Variants in ERI1 observed in about 807,000 individuals in gnomAD.
The protein encoded by ERI1 is 3'-5' exoribonuclease 1.
In ERI1, 39 loss-of-function variants were observed where a neutral mutation model predicts 39.7. That is an observed-to-expected ratio of 0.98 (90% CI 0.76 to 1.28). ERI1 has a LOEUF of 1.28. Among genes scored for constraint, ERI1 ranks in the 50% most tolerant of loss-of-function variants. The pLI, the probability that ERI1 is intolerant of heterozygous loss-of-function variation, is 0.00. For missense variants in ERI1, 581 were observed against 416.9 expected (o/e 1.39, Z -3.43); for synonymous variants, 204 against 149.6 (o/e 1.36, Z -2.65).
chr8:9,027,501 T>C (rs1797262773), intron 6 of ERI1, among the ~76,000 whole-genome samples: 1 of 152,218 alleles, frequency 6.6e-6, no homozygotes, highest in South Asian at 2.1e-4. Flanking sequence ...AAGTCTACTT[T>C]ATTTTTTCTT....
At chr8:9,035,541 G>C (rs1004781664), downstream of ERI1, among the ~76,000 whole-genome samples, 2 of 152,044 alleles carry the variant, frequency 1.3e-5, no homozygotes, top group East Asian at 1.9e-4. Context: ...GAAGCCTGCT[G>C]TTGAGACTTA....
Position 9,018,375 on chromosome 8 carries a change from A to G in ERI1, c.661A>G (p.Thr221Ala), listed in dbSNP as rs149850300. ...CTGGATGAAATTGAAGGAATTAGGA[A>G]CAAAGTATAAATACTCACTTTTAAC... is the stretch of plus-strand genomic sequence containing the variant. ...IDWMKLKELG[T>A]KYKYSLLTDG... is the part of the protein sequence containing the mutation. Residue 221 changes from threonine (T) to alanine (A), a missense_variant, in exon 5 of 7, where the codon ACA (threonine) becomes GCA (alanine). Physicochemically the swap from Thr to Ala is moderately conservative, Grantham distance 58 (BLOSUM62 0). Coordinates refer to ENST00000250263, the MANE Select transcript of ERI1 (RefSeq NM_153332.4). 6.6e-4 allele frequency: 1,065 copies of G among 1,605,400 alleles called. No individual in the cohort carries two copies. Among genetic ancestry groups the G allele is most frequent in the Non-Finnish European group, 8.5e-4 (1,001 of 1,172,284 alleles).
At chr8:9,076,094 G>A (rs1799202996) in intron 3 of ERI1, among the ~76,000 whole-genome samples, 1 of 152,024 alleles carries the variant, frequency 6.6e-6, no homozygotes, top group Admixed American at 6.6e-5. Flanking sequence ...ATTCCTCCAT[G>A]CCCAGCTAAT....
intron 6 of ERI1, among the ~76,000 whole-genome samples, chr8:9,027,787 C>G (rs1043877638): frequency 6.6e-6 from 1 of 152,182 alleles, no homozygotes; most frequent in Non-Finnish European, 1.5e-5. Context: ...TTTCTAGACT[C>G]TCTTCGGTTT....
At chr8:9,094,427 A>C (rs978928313) in intron 3 of ERI1, among the ~76,000 whole-genome samples, 10 of 152,138 alleles carry the variant, frequency 6.6e-5, no homozygotes, top group African/African-American at 2.4e-4. Flanking sequence ...GCTGAGTCTC[A>C]AACTTTTCAA....
chr8:9,097,551 C>A (rs555257784), intron 3 of ERI1, among the ~76,000 whole-genome samples: 1 of 151,956 alleles, frequency 6.6e-6, no homozygotes, highest in Non-Finnish European at 1.5e-5. Context: ...CGCCTGTAGT[C>A]CCAGCTACGC....
intron 1 of ERI1, among the ~76,000 whole-genome samples, chr8:9,005,579 G>T (rs1481455738): frequency 1.3e-5 from 2 of 148,606 alleles, no homozygotes; most frequent in African/African-American, 5.0e-5. Context: ...CAGCGGCTCA[G>T]TCTCGGCTCG....
chr8:9,018,571 G>A (rs762539039), intron 5 of ERI1, among the ~76,000 whole-genome samples, 165 bp downstream of exon 5: 4 of 152,184 alleles, frequency 2.6e-5, no homozygotes, highest in Non-Finnish European at 5.9e-5. Flanking sequence ...AAGAGAGGAA[G>A]AAAACAGTGG....
At chr8:9,068,839 C>T (rs890690392) in intron 3 of ERI1, among the ~76,000 whole-genome samples, 1 of 152,052 alleles carries the variant, frequency 6.6e-6, no homozygotes, top group Non-Finnish European at 1.5e-5. Context: ...GTTTTTGAGA[C>T]AGGGTCTCTT....
intron 6 of ERI1, among the ~76,000 whole-genome samples, chr8:9,026,145 C>G (rs1444898798): frequency 6.6e-6 from 1 of 152,172 alleles, no homozygotes; most frequent in Non-Finnish European, 1.5e-5. Flanking sequence ...GTGTAATCTT[C>G]CACTTGTGAC....
chr8:9,009,863 G>A (rs146654717), intron 2 of ERI1, among the ~76,000 whole-genome samples: 2 of 152,310 alleles, frequency 1.3e-5, no homozygotes, highest in Non-Finnish European at 2.9e-5. Flanking sequence ...TTTGTCTGCA[G>A]TACACAGTAT....
intron 3 of ERI1, among the ~76,000 whole-genome samples, chr8:9,067,670 A>AT (rs56400865): frequency 1.3e-5 from 2 of 150,626 alleles, no homozygotes; most frequent in Admixed American, 6.6e-5. Context: ...AAAAAAAAAA[A>AT]GGTGACAAGA....
intron 3 of ERI1, among the ~76,000 whole-genome samples, chr8:9,060,855 A>G (rs1326433275): frequency 6.6e-6 from 1 of 152,212 alleles, no homozygotes; most frequent in Non-Finnish European, 1.5e-5. Context: ...CTTGCAGTGA[A>G]TGACCCCAGC....
At chr8:9,013,280 GC>G (rs1816866438) in intron 3 of ERI1, among the ~76,000 whole-genome samples, 1 of 148,198 alleles carries the variant, frequency 6.7e-6, no homozygotes, top group Non-Finnish European at 1.5e-5. Flanking sequence ...TTCCCCAAGT[GC>G]TAGGATTACA....
intron 3 of ERI1, among the ~76,000 whole-genome samples, chr8:9,075,268 C>T (rs1309532831): frequency 6.6e-6 from 1 of 152,190 alleles, no homozygotes; most frequent in African/African-American, 2.4e-5. Context: ...TGCGTTCCCA[C>T]ACAAAGCGAA....
intron 6 of ERI1, among the ~76,000 whole-genome samples, chr8:9,029,083 A>G (rs1045420621): frequency 6.6e-6 from 1 of 150,710 alleles, no homozygotes; most frequent in Non-Finnish European, 1.5e-5. Flanking sequence ...ATCTTTAGCC[A>G]TCCAAAAAGG....
intron 3 of ERI1, among the ~76,000 whole-genome samples, chr8:9,060,872 T>C (rs1585271594): frequency 6.6e-6 from 1 of 152,368 alleles, no homozygotes; most frequent in East Asian, 1.9e-4. Context: ...CAGCTTCTTT[T>C]GGAAGTAAAG....
chr8:9,033,112 A>G lies in ERI1; in HGVS notation c.*3078A>G, dbSNP rs71514522. 4,510 of 152,290 alleles carry G rather than the reference A, an allele frequency of 0.03. 103 individuals are homozygous for G. Among genetic ancestry groups the G allele is most frequent in the Non-Finnish European group, 0.046 (3,127 of 68,026 alleles). 9.4% of individuals were successfully genotyped at this position (152,290 alleles called of 1,614,324 possible). On this transcript the variant is annotated 3_prime_UTR_variant, in exon 7 of 7. Transcript: ENST00000250263. Reference sequence around the variant, plus strand: ...TCTTTGTTCTGCACCACCAACCTGTATATCAAGCCTCCTTGCCCCACAAAG... The same window carrying G: ...TCTTTGTTCTGCACCACCAACCTGTGTATCAAGCCTCCTTGCCCCACAAAG...
chr8:9,056,993 T>C (rs906767863), intron 3 of ERI1, among the ~76,000 whole-genome samples: 3 of 151,842 alleles, frequency 2.0e-5, no homozygotes, highest in Non-Finnish European at 4.4e-5. Flanking sequence ...CCACCATACC[T>C]GGTTAATTTT....
Sources: allele counts gnomAD v4.1 joint callset (sites outside exome capture counted in the v4.1 genomes callset), GRCh38; gene constraint gnomAD v4.1.1; transcripts MANE v1.5; gene names NCBI Gene and HGNC (gene_info 2026-07-23, HGNC 2026-07-21).